Variants in FAM151B observed in about 807,000 individuals in gnomAD.
FAM151B encodes the protein protein FAM151B.
FAM151B carries 24 observed loss-of-function variants against 31.2 expected under a neutral mutation model. The observed-to-expected ratio is 0.77, with a 90% CI of 0.56 to 1.08. The LOEUF is 1.08. Ranked by LOEUF, FAM151B falls within the 50% of genes least tolerant of loss-of-function variation. The probability of loss-of-function intolerance (pLI) is 0.00; values close to 1 mark genes in which losing one functional copy is unlikely to be tolerated. For synonymous variants in FAM151B, 105 were observed against 111.4 expected, an observed-to-expected ratio of 0.94 and a Z score of 0.36; for missense variants, 293 against 328.6, an observed-to-expected ratio of 0.89 and a Z score of 0.84.
chr5:80,540,871 G>C (rs900145755), intron 5 of FAM151B, among the ~76,000 whole-genome samples: 6 of 152,194 alleles, frequency 3.9e-5, no homozygotes, highest in Admixed American at 6.5e-5. Context: ...AATATGACAA[G>C]AAAATATGCC....
At chr5:80,526,960 A>G (rs2112655714) in intron 5 of FAM151B, among the ~76,000 whole-genome samples, 1 of 152,280 alleles carries the variant, frequency 6.6e-6, no homozygotes, top group Admixed American at 6.5e-5. Context: ...ATCTAGCTGA[A>G]ATTTCAATAG....
intron 2 of FAM151B, among the ~76,000 whole-genome samples, chr5:80,505,176 G>T (rs1743904867): frequency 6.6e-6 from 1 of 152,024 alleles, no homozygotes; most frequent in East Asian, 1.9e-4. Flanking sequence ...TTGGTGTTTT[G>T]GTGTTTATTT....
intron 2 of FAM151B, chr5:80,511,146 G>A (rs1249271432): frequency 2.0e-5 from 3 of 152,026 alleles, no homozygotes; most frequent in Non-Finnish European, 2.9e-5. Context: ...AAATGAATCT[G>A]AATGTATCCT....
intron 2 of FAM151B, among the ~76,000 whole-genome samples, chr5:80,506,593 CCT>C (rs1372180744): frequency 6.6e-6 from 1 of 152,146 alleles, no homozygotes. Context: ...CACACTTGCC[CCT>C]GTCTATTTTA....
At chr5:80,491,693 T>G (rs1295008324) in intron 1 of FAM151B, among the ~76,000 whole-genome samples, 1 of 152,166 alleles carries the variant, frequency 6.6e-6, no homozygotes, top group Non-Finnish European at 1.5e-5. Context: ...AGAGCTCTAC[T>G]TTTTGATGTC....
chr5:80,492,803 A>T (rs189717130), intron 1 of FAM151B, among the ~76,000 whole-genome samples: 80 of 152,190 alleles, frequency 5.3e-4, no homozygotes, highest in Admixed American at 4.9e-3. Flanking sequence ...AAATTTTAAA[A>T]ATTAGCTGGC....
intron 5 of FAM151B, among the ~76,000 whole-genome samples, chr5:80,531,216 C>T (rs1463556635): frequency 6.6e-6 from 1 of 152,146 alleles, no homozygotes; most frequent in Non-Finnish European, 1.5e-5. Flanking sequence ...CCCTTCCTTA[C>T]ACCTTATACA....
chr5:80,516,692 T>G (rs1189536518), intron 3 of FAM151B, among the ~76,000 whole-genome samples: 1 of 152,234 alleles, frequency 6.6e-6, no homozygotes, highest in African/African-American at 2.4e-5. Context: ...TTATGGAAAC[T>G]TAGTACTAAT....
At chr5:80,501,194 A>C in intron 1 of FAM151B, 1 of 275,462 alleles carries the variant, frequency 3.6e-6, no homozygotes, top group Non-Finnish European at 6.9e-6. Flanking sequence ...TTTTTTTTTT[A>C]TTTTTGTTAG....
intron 1 of FAM151B, among the ~76,000 whole-genome samples, chr5:80,499,411 CAT>C (rs1561361450): frequency 2.0e-5 from 3 of 152,136 alleles, no homozygotes; most frequent in Admixed American, 6.5e-5. Flanking sequence ...CTTGCTCACT[CAT>C]ATAGATGTTG....
chr5:80,541,637 C>T (rs1745897759), intron 5 of FAM151B, 36 bp from the exon 6 acceptor site: 5 of 1,601,524 alleles, frequency 3.1e-6, no homozygotes, highest in Non-Finnish European at 3.4e-6. Flanking sequence ...CTTTCTTCCA[C>T]TTTTAACTGT....
chr5:80,527,966 G>A (rs1487249959), intron 5 of FAM151B, among the ~76,000 whole-genome samples: 2 of 152,000 alleles, frequency 1.3e-5, no homozygotes, highest in African/African-American at 4.8e-5. Context: ...TTGTATAGCT[G>A]TACAAAAATA....
chr5:80,500,945 A>T, intron 1 of FAM151B: 7 of 726,186 alleles, frequency 9.6e-6, no homozygotes, highest in Non-Finnish European at 1.8e-5. Flanking sequence ...GAAGCAAATA[A>T]CTTGCTGTGG....
intron 2 of FAM151B, among the ~76,000 whole-genome samples, chr5:80,511,607 A>T (rs1463887553): frequency 1.3e-5 from 2 of 151,368 alleles, no homozygotes; most frequent in African/African-American, 2.4e-5. Context: ...ATTTATCTTT[A>T]AAAAAAATTT....
At chr5:80,504,897 A>G (rs912972494) in intron 2 of FAM151B, among the ~76,000 whole-genome samples, 1 of 152,166 alleles carries the variant, frequency 6.6e-6, no homozygotes, top group Non-Finnish European at 1.5e-5. Flanking sequence ...CTGGGAAAAT[A>G]ATAAAAGACT....
Position 80,488,129 on chromosome 5 carries a change from A to G in FAM151B, c.6A>G (p.Ala2=). 1.3e-6 allele frequency: 2 copies of G among 1,543,136 alleles called. No individual in the cohort carries two copies. Among genetic ancestry groups the G allele is most frequent in the Non-Finnish European group, 1.7e-6 (2 of 1,147,510 alleles). Reference sequence around the variant, plus strand: ...GGACGGCGGGCGTCGTCACCATGGCAGCATCCGCTGGAGGCCCAGGTAAGC... The same window carrying G: ...GGACGGCGGGCGTCGTCACCATGGCGGCATCCGCTGGAGGCCCAGGTAAGC... M[A]ASAGGPGSWS... is the part of the protein sequence containing the mutation. Residue 2 remains alanine, a synonymous_variant, in exon 1 of 6, where the codon GCA becomes GCG. Coordinates refer to ENST00000282226, the MANE Select transcript of FAM151B (RefSeq NM_205548.3).
rs1204187444 is a variant in FAM151B at position 80,521,983 on chromosome 5, T to C, written c.536-20T>C. 1.3e-6 allele frequency: 2 copies of C among 1,517,526 alleles called. No individual in the cohort carries two copies. The highest frequency in any genetic ancestry group is 3.7e-5 in the Admixed American group (2 of 54,712). The allele number at this position is 1,517,526 out of a possible 1,614,324, so 94.0% of individuals were successfully genotyped here. On this transcript the variant is annotated intron_variant, in intron 4 of 5. Transcript: ENST00000282226. ...CAAGATTTCAATCAATAAAGTTAAA[T>C]TTTTTTCTTTTCTTTTAAGGGTACA...
At chr5:80,538,483 T>C (rs146906902) in intron 5 of FAM151B, among the ~76,000 whole-genome samples, 35,204 of 100,016 alleles carry the variant, frequency 0.35, 7,456 homozygotes, top group East Asian at 0.41. Flanking sequence ...TCTTTCTTTC[T>C]TTCCTTCCTT....
intron 5 of FAM151B, among the ~76,000 whole-genome samples, chr5:80,534,598 G>T (rs188123226): frequency 1.3e-5 from 2 of 152,264 alleles, no homozygotes. Flanking sequence ...GGTATGGAAG[G>T]AGCATGCCTC....
Sources: allele counts gnomAD v4.1 joint callset (sites outside exome capture counted in the v4.1 genomes callset), GRCh38; gene constraint gnomAD v4.1.1; transcripts MANE v1.5; gene names NCBI Gene and HGNC (gene_info 2026-07-23, HGNC 2026-07-21).